The following B3GALT1 variants were observed in gnomAD, a reference collection of about 807,000 sequenced individuals.
B3GALT1 encodes the protein beta-1,3-galactosyltransferase 1.
Under a neutral mutation model 23.2 loss-of-function variants are expected in B3GALT1, and 10 were observed. The observed-to-expected ratio is 0.43, with a 90% CI of 0.27 to 0.73. The LOEUF (loss-of-function observed/expected upper bound fraction) is 0.73, where lower values mean the gene tolerates loss of function less well. Among genes scored for constraint, B3GALT1 ranks in the 30% least tolerant of loss-of-function variants. The pLI, the probability that B3GALT1 is intolerant of heterozygous loss-of-function variation, is 0.21. For synonymous variants in B3GALT1, 156 were observed against 141.5 expected (o/e 1.10, Z -0.73); for missense variants, 299 against 405.4 (o/e 0.74, Z 2.25).
intron 2 of B3GALT1, among the ~76,000 whole-genome samples, chr2:167,541,417 CCTTTT>C (rs1409784577): frequency 6.6e-6 from 1 of 152,038 alleles, no homozygotes; most frequent in African/African-American, 2.4e-5. Context: ...TTGTGAGTGG[CCTTTT>C]CTTTGTACCA....
chr2:167,639,462 A>G (rs1685615846), intron 2 of B3GALT1, among the ~76,000 whole-genome samples: 1 of 152,196 alleles, frequency 6.6e-6, no homozygotes, highest in East Asian at 1.9e-4. Context: ...CAGTCCAAGC[A>G]GAAACACATT....
At chr2:167,629,347 T>A (rs1346649997) in intron 2 of B3GALT1, among the ~76,000 whole-genome samples, 1 of 151,768 alleles carries the variant, frequency 6.6e-6, no homozygotes, top group Non-Finnish European at 1.5e-5. Context: ...TGGAATCATT[T>A]AAATAATTTT....
chr2:167,360,182 T>G (rs1697478382), intron 1 of B3GALT1, among the ~76,000 whole-genome samples: 1 of 152,210 alleles, frequency 6.6e-6, no homozygotes, highest in Non-Finnish European at 1.5e-5. Flanking sequence ...AAACTATTAA[T>G]ATTTATATAC....
At chr2:167,542,658 A>G (rs1683551000) in intron 2 of B3GALT1, among the ~76,000 whole-genome samples, 1 of 152,184 alleles carries the variant, frequency 6.6e-6, no homozygotes, top group Non-Finnish European at 1.5e-5. Flanking sequence ...ATTTTTGAGA[A>G]TCAAGTCAGA....
chr2:167,480,207 A>G (rs1699543005), intron 1 of B3GALT1, among the ~76,000 whole-genome samples: 1 of 152,036 alleles, frequency 6.6e-6, no homozygotes. Context: ...TGCCCCTCCC[A>G]CCTAATCTTG....
Position 167,311,304 on chromosome 2 carries a change from A to G in B3GALT1, c.-511+17970A>G, listed in dbSNP as rs146699338. On this transcript the variant is annotated intron_variant, in intron 1 of 4. Coordinates refer to ENST00000392690, the MANE Select transcript of B3GALT1 (RefSeq NM_020981.4). ...TAAAAATAGCTTGCAAAGCTGCGTA[A>G]TACAAGGGGCAAATTCAGGCATATC... 4.2e-3 allele frequency among the ~76,000 whole-genome samples: 640 copies of G among 152,196 alleles called. 3 individuals are homozygous for G. The highest frequency in any genetic ancestry group is 0.014 in the African/African-American group (590 of 41,542).
intron 1 of B3GALT1, among the ~76,000 whole-genome samples, chr2:167,342,589 C>CA (rs58789417): frequency 4.4e-3 from 412 of 93,760 alleles, no homozygotes; most frequent in African/African-American, 6.6e-3. Context: ...GACTTCATCT[C>CA]AAAAAAAAAA....
chr2:167,431,939 T>C (rs1424861537), intron 1 of B3GALT1, among the ~76,000 whole-genome samples: 1 of 152,176 alleles, frequency 6.6e-6, no homozygotes, highest in Non-Finnish European at 1.5e-5. Context: ...ACCACTAATT[T>C]AAAATTCTTT....
chr2:167,389,915 A>C (rs1697990871), intron 1 of B3GALT1, among the ~76,000 whole-genome samples: 2 of 138,102 alleles, frequency 1.4e-5, no homozygotes, highest in Non-Finnish European at 1.5e-5. Flanking sequence ...TGTCCAAAAA[A>C]AAAAAAAAAC....
intron 3 of B3GALT1, among the ~76,000 whole-genome samples, chr2:167,771,410 T>G (rs925799514): frequency 1.3e-5 from 2 of 151,994 alleles, no homozygotes; most frequent in Non-Finnish European, 2.9e-5. Flanking sequence ...GCCAACATGG[T>G]GAAACCCCAT....
intron 1 of B3GALT1, among the ~76,000 whole-genome samples, chr2:167,304,946 A>T (rs1286980684): frequency 6.6e-6 from 1 of 152,136 alleles, no homozygotes; most frequent in Non-Finnish European, 1.5e-5. Context: ...GTCCCACCTC[A>T]AGCTGAGAGC....
At chr2:167,524,362 G>C (rs1230463326) in intron 2 of B3GALT1, among the ~76,000 whole-genome samples, 1 of 152,140 alleles carries the variant, frequency 6.6e-6, no homozygotes, top group Non-Finnish European at 1.5e-5. Context: ...CCACTGTTCA[G>C]TGACCTCTTT....
chr2:167,482,291 C>T (rs1399454849), intron 1 of B3GALT1, among the ~76,000 whole-genome samples: 2 of 152,116 alleles, frequency 1.3e-5, no homozygotes, highest in African/African-American at 2.4e-5. Flanking sequence ...TTTCAAATCT[C>T]CATTATGTCT....
intron 1 of B3GALT1, among the ~76,000 whole-genome samples, chr2:167,306,626 CAG>C (rs1696556387): frequency 6.6e-6 from 1 of 151,938 alleles, no homozygotes; most frequent in African/African-American, 2.4e-5. Flanking sequence ...GAGTTTATCA[CAG>C]AGTTTGCATG....
In B3GALT1 at chr2:167,625,942, CATATATAT is replaced by C. The variant is rs10522850; in HGVS notation, c.-409-20930_-409-20923del. Among the ~76,000 whole-genome samples, 348 of 118,390 alleles carry C rather than the reference CATATATAT, an allele frequency of 2.9e-3. 5 individuals carry two copies. Among genetic ancestry groups the C allele is most frequent in the African/African-American group, 0.011 (310 of 27,622 alleles). 77.7% of individuals were successfully genotyped at this position (118,390 alleles called of 152,430 possible). ...ATGACAGAAAAATCAATGACTAGGC[CATATATAT>C]ATATATATATATATATATATATATA... On this transcript the variant is annotated intron_variant, in intron 2 of 4. Coordinates refer to ENST00000392690, the MANE Select transcript of B3GALT1 (RefSeq NM_020981.4).
At chr2:167,414,535 C>A (rs1320566566) in intron 1 of B3GALT1, among the ~76,000 whole-genome samples, 1 of 151,996 alleles carries the variant, frequency 6.6e-6, no homozygotes, top group African/African-American at 2.4e-5. Flanking sequence ...ATAAGATCCA[C>A]AATAAATTAA....
chr2:167,770,510 G>A (rs1355420291), intron 3 of B3GALT1, among the ~76,000 whole-genome samples: 3 of 152,116 alleles, frequency 2.0e-5, no homozygotes, highest in African/African-American at 4.8e-5. Context: ...TAGATATTCT[G>A]CGTATAAGTC....
At chr2:167,455,576 C>T (rs1271442578) in intron 1 of B3GALT1, among the ~76,000 whole-genome samples, 7 of 152,066 alleles carry the variant, frequency 4.6e-5, no homozygotes, top group South Asian at 2.1e-4. Flanking sequence ...TGCAGTGGTG[C>T]GATCTCGGCT....
intron 2 of B3GALT1, among the ~76,000 whole-genome samples, chr2:167,583,430 CT>C (rs954545699): frequency 6.6e-6 from 1 of 151,966 alleles, no homozygotes; most frequent in Admixed American, 6.6e-5. Flanking sequence ...CCCTCTCTCC[CT>C]TTTTTTTACC....
Sources: allele counts gnomAD v4.1 joint callset (sites outside exome capture counted in the v4.1 genomes callset), GRCh38; gene constraint gnomAD v4.1.1; transcripts MANE v1.5; gene names NCBI Gene and HGNC (gene_info 2026-07-23, HGNC 2026-07-21).